Variants in PLCB1 observed in about 807,000 individuals in gnomAD.
PLCB1 encodes the protein 1-phosphatidylinositol 4,5-bisphosphate phosphodiesterase beta-1.
A neutral mutation model predicts 161.8 loss-of-function variants in PLCB1; 46 were observed. The ratio of observed to expected loss-of-function variants is 0.28; its 90% CI spans 0.22 to 0.36. PLCB1 has a LOEUF of 0.36. Among genes scored for constraint, PLCB1 ranks in the 10% least tolerant of loss-of-function variants. The probability of loss-of-function intolerance (pLI) is 1.00; values close to 1 mark genes in which losing one functional copy is unlikely to be tolerated. For missense variants in PLCB1, 1,016 were observed against 1,472.5 expected (o/e 0.69, Z 5.07); for synonymous variants, 517 against 503.7 (o/e 1.03, Z -0.35).
chr20:8,488,050 A>G (rs1419739451), intron 3 of PLCB1, among the ~76,000 whole-genome samples: 1 of 152,204 alleles, frequency 6.6e-6, no homozygotes, highest in Non-Finnish European at 1.5e-5. Flanking sequence ...GAATTCCTCT[A>G]TTCGAAGTCT....
chr20:8,693,231 G>T (rs1279049678), intron 10 of PLCB1, among the ~76,000 whole-genome samples: 1 of 152,126 alleles, frequency 6.6e-6, no homozygotes, highest in East Asian at 1.9e-4. Context: ...AACACATAAT[G>T]GTGAAGCTCC....
At chr20:8,528,903 A>T (rs1451678593) in intron 3 of PLCB1, among the ~76,000 whole-genome samples, 1 of 152,026 alleles carries the variant, frequency 6.6e-6, no homozygotes, top group East Asian at 1.9e-4. Flanking sequence ...AGAGCATCAG[A>T]TATGAAGTAA....
intron 10 of PLCB1, among the ~76,000 whole-genome samples, chr20:8,687,328 ATTTAAATTAT>A (rs1048292845): frequency 1.3e-5 from 2 of 152,146 alleles, no homozygotes; most frequent in Non-Finnish European, 2.9e-5. Flanking sequence ...CCTGTCCCCA[ATTTAAATTAT>A]TTTTTTAAAT....
chr20:8,248,219 C>T (rs1048199498), intron 2 of PLCB1, among the ~76,000 whole-genome samples: 1 of 151,900 alleles, frequency 6.6e-6, no homozygotes, highest in Admixed American at 6.6e-5. Flanking sequence ...AGAGTATGTC[C>T]TGCCTGGAGG....
chr20:8,611,400 G>C (rs1302187362), intron 3 of PLCB1, among the ~76,000 whole-genome samples: 2 of 152,062 alleles, frequency 1.3e-5, no homozygotes, highest in Non-Finnish European at 2.9e-5. Flanking sequence ...ATCAGTAATT[G>C]TTAATAAAGG....
intron 20 of PLCB1, among the ~76,000 whole-genome samples, chr20:8,737,676 C>T (rs1171409722): frequency 6.6e-6 from 1 of 152,164 alleles, no homozygotes; most frequent in African/African-American, 2.4e-5. Context: ...CAACTGGGCC[C>T]TTCTCTTTCT....
chr20:8,445,555 T>A (rs1054240826), intron 3 of PLCB1, among the ~76,000 whole-genome samples: 1 of 152,056 alleles, frequency 6.6e-6, no homozygotes, highest in African/African-American at 2.4e-5. Flanking sequence ...CATATGAACT[T>A]TAAAGTAGTT....
intron 3 of PLCB1, among the ~76,000 whole-genome samples, chr20:8,384,031 G>T (rs964804578): frequency 6.6e-6 from 1 of 152,000 alleles, no homozygotes; most frequent in African/African-American, 2.4e-5. Context: ...GTATCTTAGC[G>T]GTGTTCTCTG....
chr20:8,565,605 T>C (rs924656943), intron 3 of PLCB1, among the ~76,000 whole-genome samples: 2 of 151,932 alleles, frequency 1.3e-5, no homozygotes, highest in African/African-American at 2.4e-5. Context: ...CAGAAATATA[T>C]GGTATATCTG....
At chr20:8,842,490 G>A (rs6118350) in intron 31 of PLCB1, among the ~76,000 whole-genome samples, 123,589 of 152,164 alleles carry the variant, frequency 0.81, 50,324 homozygotes, top group East Asian at 0.86. Flanking sequence ...GATTCTGTAC[G>A]TAATAGGTTT....
intron 3 of PLCB1, among the ~76,000 whole-genome samples, chr20:8,546,335 A>AAG (rs1985548244): frequency 7.1e-6 from 1 of 140,572 alleles, no homozygotes; most frequent in African/African-American, 2.6e-5. Context: ...AAAAAAAAAA[A>AAG]AAAGAAAGAA....
chr20:8,640,229 A>C (rs561793523), intron 4 of PLCB1, among the ~76,000 whole-genome samples: 1 of 152,224 alleles, frequency 6.6e-6, no homozygotes, highest in African/African-American at 2.4e-5. Flanking sequence ...ATCAGTTTTC[A>C]AGTAATGCAG....
chr20:8,757,030 A>T lies in PLCB1; in HGVS notation c.2524-16A>T. ...AAAAAGAAATGTGGAAAATGAAAGG[A>T]TATTTATAATTTTAGGCTGATCCTG... On this transcript the variant is annotated splice_polypyrimidine_tract_variant and intron_variant, in intron 23 of 31. Transcript: ENST00000338037. 1 of 1,582,630 alleles carries T rather than the reference A, an allele frequency of 6.3e-7. No homozygotes were observed. Among genetic ancestry groups the T allele is most frequent in the Non-Finnish European group, 8.6e-7 (1 of 1,166,688 alleles).
chr20:8,643,159 G>A (rs900245503), intron 4 of PLCB1, among the ~76,000 whole-genome samples: 2 of 152,028 alleles, frequency 1.3e-5, no homozygotes, highest in African/African-American at 4.8e-5. Context: ...TTCTCACCTG[G>A]ACTACTGGAC....
intron 4 of PLCB1, among the ~76,000 whole-genome samples, chr20:8,639,213 G>A (rs1600216498): frequency 6.6e-6 from 1 of 152,192 alleles, no homozygotes; most frequent in East Asian, 1.9e-4. Flanking sequence ...CATGATGGAG[G>A]GGTTATGTGC....
intron 15 of PLCB1, among the ~76,000 whole-genome samples, chr20:8,723,173 T>A (rs1385729289): frequency 6.6e-6 from 1 of 152,234 alleles, no homozygotes; most frequent in Non-Finnish European, 1.5e-5. Flanking sequence ...AATTATTTTT[T>A]AATGTCTAAA....
At chr20:8,343,277 G>C (rs1455463419) in intron 2 of PLCB1, among the ~76,000 whole-genome samples, 1 of 152,208 alleles carries the variant, frequency 6.6e-6, no homozygotes, top group Non-Finnish European at 1.5e-5. Flanking sequence ...TGTATAGCAA[G>C]ATCCTAGCCC....
At chr20:8,548,646 C>A (rs1011706844) in intron 3 of PLCB1, among the ~76,000 whole-genome samples, 3 of 152,030 alleles carry the variant, frequency 2.0e-5, no homozygotes, top group East Asian at 1.9e-4. Flanking sequence ...AGAACCAAAT[C>A]TCTGTATTTC....
rs78339032 is a variant in PLCB1 at position 8,691,054 on chromosome 20, G to A, written c.1009+5976G>A. Among the ~76,000 whole-genome samples, 383 of 152,170 alleles carry A rather than the reference G, an allele frequency of 2.5e-3. 13 individuals carry two copies. The East Asian group carries it at 0.057, about 23-fold the overall frequency. On this transcript the variant is annotated intron_variant, in intron 10 of 31. Transcript: ENST00000338037. The stretch of plus-strand genomic sequence containing the variant: ...AAAACTATATAAAAATATAAATACA[G>A]GCTCTTGAAGTTTTGCCTGAAATGC...
Sources: allele counts gnomAD v4.1 joint callset (sites outside exome capture counted in the v4.1 genomes callset), GRCh38; gene constraint gnomAD v4.1.1; transcripts MANE v1.5; gene names NCBI Gene and HGNC (gene_info 2026-07-23, HGNC 2026-07-21).